CLSTN2: variants seen among roughly 807,000 people sequenced by gnomAD.
CLSTN2 encodes the protein calsyntenin-2.
In CLSTN2, 48 loss-of-function variants were observed where a neutral mutation model predicts 101.2. That is an observed-to-expected ratio of 0.47 (90% CI 0.38 to 0.60). CLSTN2 has a LOEUF of 0.60. Among genes scored for constraint, CLSTN2 ranks in the 20% least tolerant of loss-of-function variants. The pLI is 0.00. For synonymous variants in CLSTN2, 481 were observed against 463.6 expected (o/e 1.04, Z -0.48); for missense variants, 1,160 against 1,238.2 (o/e 0.94, Z 0.95).
intron 1 of CLSTN2, among the ~76,000 whole-genome samples, chr3:140,100,467 C>T (rs114525588): frequency 0.013 from 1,946 of 152,286 alleles, 42 homozygotes; most frequent in African/African-American, 0.044. Flanking sequence ...TAAAATGTTG[C>T]GTTCAGCATT....
intron 2 of CLSTN2, among the ~76,000 whole-genome samples, chr3:140,389,035 C>T (rs1338826720): frequency 2.6e-5 from 4 of 152,080 alleles, no homozygotes; most frequent in East Asian, 3.8e-4. Context: ...GTGGTAAATC[C>T]TACTTACTCA....
At chr3:140,089,580 T>TTTTTTTTA (rs528964317) in intron 1 of CLSTN2, among the ~76,000 whole-genome samples, 28 of 146,040 alleles carry the variant, frequency 1.9e-4, no homozygotes, top group Admixed American at 5.5e-4. Context: ...TTTCAGCTGG[T>TTTTTTTTA]TTTATTTATT....
chr3:139,941,543 G>A (rs1935130268), intron 1 of CLSTN2, among the ~76,000 whole-genome samples: 2 of 152,138 alleles, frequency 1.3e-5, no homozygotes, highest in Admixed American at 1.3e-4. Flanking sequence ...TGCAGAACTT[G>A]GTGACTTATG....
chr3:140,240,479 T>A (rs1485288995), intron 2 of CLSTN2, among the ~76,000 whole-genome samples: 1 of 151,818 alleles, frequency 6.6e-6, no homozygotes, highest in South Asian at 2.1e-4. Flanking sequence ...ATGTGAACTT[T>A]GGCAAATTAT....
chr3:140,258,827 C>T (rs1471483900), intron 2 of CLSTN2, among the ~76,000 whole-genome samples: 2 of 152,172 alleles, frequency 1.3e-5, no homozygotes, highest in Non-Finnish European at 2.9e-5. Context: ...GTAAAACTCT[C>T]TGATGACAGG....
intron 8 of CLSTN2, among the ~76,000 whole-genome samples, chr3:140,491,182 G>A (rs12630595): frequency 0.081 from 12,257 of 152,088 alleles, 644 homozygotes; most frequent in Non-Finnish European, 0.11. Flanking sequence ...GTGCCCCTCC[G>A]GCCTTCTCTT....
At chr3:140,105,896 A>T (rs1341027715) in intron 1 of CLSTN2, among the ~76,000 whole-genome samples, 1 of 152,168 alleles carries the variant, frequency 6.6e-6, no homozygotes, top group Non-Finnish European at 1.5e-5. Flanking sequence ...ACACTCGGTG[A>T]CCTAAGAGGT....
intron 1 of CLSTN2, among the ~76,000 whole-genome samples, chr3:139,971,752 CAG>C (rs1246071736): frequency 6.6e-6 from 1 of 152,206 alleles, no homozygotes; most frequent in Non-Finnish European, 1.5e-5. Flanking sequence ...TGGGACAAGA[CAG>C]ATCTTCCTTA....
At chr3:140,389,025 G>A (rs2088083439) in intron 2 of CLSTN2, among the ~76,000 whole-genome samples, 1 of 152,134 alleles carries the variant, frequency 6.6e-6, no homozygotes, top group African/African-American at 2.4e-5. Context: ...TTGTGTTTCT[G>A]TGGTAAATCC....
At chr3:140,307,768 G>T (rs1212112017) in intron 2 of CLSTN2, among the ~76,000 whole-genome samples, 1 of 152,112 alleles carries the variant, frequency 6.6e-6, no homozygotes, top group African/African-American at 2.4e-5. Flanking sequence ...TGAATATTCT[G>T]CTTTCTTCCA....
At chr3:140,121,825 C>A (rs1378837150) in intron 1 of CLSTN2, among the ~76,000 whole-genome samples, 1 of 152,156 alleles carries the variant, frequency 6.6e-6, no homozygotes, top group East Asian at 1.9e-4. Flanking sequence ...CTGAAGACAA[C>A]CTCTGTCTTT....
intron 2 of CLSTN2, among the ~76,000 whole-genome samples, chr3:140,347,385 A>G (rs2087559876): frequency 6.6e-6 from 1 of 152,230 alleles, no homozygotes; most frequent in Non-Finnish European, 1.5e-5. Flanking sequence ...GACTGTTAAC[A>G]AGGAGGTGCT....
chr3:140,073,123 G>A (rs1488179554), intron 1 of CLSTN2, among the ~76,000 whole-genome samples: 1 of 152,166 alleles, frequency 6.6e-6, no homozygotes, highest in Non-Finnish European at 1.5e-5. Flanking sequence ...CCACCCAGAT[G>A]ATCCAAAACA....
In CLSTN2 at chr3:140,575,987, T is replaced by G. The variant is rs1351300368; in HGVS notation, c.*9734T>G. 1 of 152,144 alleles carries G rather than the reference T, an allele frequency of 6.6e-6. No homozygotes were observed. The highest frequency in any genetic ancestry group is 1.5e-5 in the Non-Finnish European group (1 of 68,022). 9.4% of individuals were successfully genotyped at this position (152,144 alleles called of 1,614,324 possible). A position where few individuals can be genotyped will look rare whatever the true frequency, so the allele number is the denominator to read the frequency against. Reference sequence around the variant, plus strand: ...TGTTTACCGTTAGCTCTCAAAGCAGTGGGAATAGTGCTTGGCACATAGTAG... The same window carrying G: ...TGTTTACCGTTAGCTCTCAAAGCAGGGGGAATAGTGCTTGGCACATAGTAG... On this transcript the variant is annotated 3_prime_UTR_variant, in exon 17 of 17. Transcript: ENST00000458420.
At chr3:140,482,491 A>G (rs1385851305) in intron 8 of CLSTN2, among the ~76,000 whole-genome samples, 1 of 152,000 alleles carries the variant, frequency 6.6e-6, no homozygotes, top group East Asian at 1.9e-4. Context: ...CTCTTTTTCT[A>G]TTGATTGGAA....
intron 2 of CLSTN2, among the ~76,000 whole-genome samples, chr3:140,388,542 T>C (rs1412520284): frequency 6.6e-6 from 1 of 152,244 alleles, no homozygotes. Context: ...GTAATTATTA[T>C]TATACTACTG....
intron 1 of CLSTN2, among the ~76,000 whole-genome samples, chr3:140,130,299 C>G (rs1459417323): frequency 6.6e-6 from 1 of 152,150 alleles, no homozygotes; most frequent in African/African-American, 2.4e-5. Flanking sequence ...TTACAGTGCT[C>G]AGGGAGCCCT....
chr3:140,453,380 A>T lies in CLSTN2; in HGVS notation c.973+4676A>T, dbSNP rs1469719604. Reference sequence around the variant, plus strand: ...GACCAGACCCTAAGTTGTTCTCAGGATTTATATACATGTGAGCCCAGGAGA... The same window carrying T: ...GACCAGACCCTAAGTTGTTCTCAGGTTTTATATACATGTGAGCCCAGGAGA... On this transcript the variant is annotated intron_variant, in intron 6 of 16. Coordinates refer to ENST00000458420, the MANE Select transcript of CLSTN2 (RefSeq NM_022131.3). 2.0e-5 allele frequency: 3 copies of T among 152,204 alleles called. No individual in the cohort carries two copies. In the East Asian group the frequency reaches 5.8e-4, roughly 29 times the overall value. 9.4% of individuals were successfully genotyped at this position (152,204 alleles called of 1,614,324 possible). A position where few individuals can be genotyped will look rare whatever the true frequency, so the allele number is the denominator to read the frequency against.
chr3:140,448,430 C>T lies in CLSTN2; in HGVS notation c.788-89C>T, dbSNP rs554326923. ...AATATATGTGTTGGGGCAAATAATTCGTTGGAACAAATTCACATTTCTAAA... is the reference window on the plus strand; with the variant it reads ...AATATATGTGTTGGGGCAAATAATTTGTTGGAACAAATTCACATTTCTAAA... On this transcript the variant is annotated intron_variant, in intron 5 of 16. Transcript: ENST00000458420. 3.8e-5 allele frequency: 42 copies of T among 1,103,034 alleles called. No individual in the cohort carries two copies. In the East Asian group the frequency reaches 6.2e-4, roughly 16 times the overall value. The allele number at this position is 1,103,034 out of a possible 1,614,324, so 68.3% of individuals were successfully genotyped here. A position where few individuals can be genotyped will look rare whatever the true frequency, so the allele number is the denominator to read the frequency against.
Sources: allele counts gnomAD v4.1 joint callset (sites outside exome capture counted in the v4.1 genomes callset), GRCh38; gene constraint gnomAD v4.1.1; transcripts MANE v1.5; gene names NCBI Gene and HGNC (gene_info 2026-07-23, HGNC 2026-07-21).